The following PLXNA4 variants were observed in gnomAD, a reference collection of about 807,000 sequenced individuals.
The protein encoded by PLXNA4 is plexin-A4.
PLXNA4 carries 44 observed loss-of-function variants against 191.8 expected under a neutral mutation model. That is an observed-to-expected ratio of 0.23 (90% CI 0.18 to 0.29). The LOEUF is 0.29. Among genes scored for constraint, PLXNA4 ranks in the 10% least tolerant of loss-of-function variants. The pLI is 1.00. For synonymous variants in PLXNA4, 1,082 were observed against 1,009.5 expected (o/e 1.07, Z -1.36); for missense variants, 1,800 against 2,488.8 (o/e 0.72, Z 5.89).
At chr7:132,288,778 G>T (rs1424878799) in intron 4 of PLXNA4, among the ~76,000 whole-genome samples, 2 of 152,176 alleles carry the variant, frequency 1.3e-5, no homozygotes, top group African/African-American at 4.8e-5. Context: ...CTGAGGGCAG[G>T]ACTCATTTTC....
intron 3 of PLXNA4, among the ~76,000 whole-genome samples, chr7:132,466,283 C>T (rs369458306): frequency 5.9e-5 from 9 of 152,280 alleles, no homozygotes; most frequent in East Asian, 3.9e-4. Flanking sequence ...CCACACTCAG[C>T]TCAGCCTGAG....
At chr7:132,351,507 G>T (rs533747430) in intron 3 of PLXNA4, among the ~76,000 whole-genome samples, 1 of 152,158 alleles carries the variant, frequency 6.6e-6, no homozygotes, top group East Asian at 1.9e-4. Context: ...GAGAATGGCC[G>T]TTGGCTCCAG....
intron 14 of PLXNA4, among the ~76,000 whole-genome samples, chr7:132,188,452 A>G (rs1796951528): frequency 6.6e-6 from 1 of 152,118 alleles, no homozygotes; most frequent in Non-Finnish European, 1.5e-5. Context: ...TTCAGCACCA[A>G]AAGTCGAACC....
chr7:132,636,184 G>A (rs185607739), intron 2 of PLXNA4, among the ~76,000 whole-genome samples: 11 of 152,338 alleles, frequency 7.2e-5, no homozygotes, highest in Admixed American at 2.0e-4. Context: ...TCAGCTCTGC[G>A]CAAGAACTCC....
At position 132,151,493 on chromosome 7, in the gene PLXNA4, G is replaced by GAAGGAGGAGGAGGAGA. The variant is rs1562885309; in HGVS notation, c.4661-2848_4661-2847insTCTCCTCCTCCTCCTT. On this transcript the variant is annotated intron_variant, in intron 25 of 31. Coordinates refer to ENST00000321063, the MANE Select transcript of PLXNA4 (RefSeq NM_020911.2). ...GAGAAAGGAGGAGGAGGAGGAAGAA[G>GAAGGAGGAGGAGGAGA]AAGGAGGAGGAGGAGGAGAAAGGAG... Among the ~76,000 whole-genome samples the GAAGGAGGAGGAGGAGA allele has an allele frequency of 4.6e-3, 102 of 22,390 alleles. 16 individuals carry two copies. Among genetic ancestry groups the GAAGGAGGAGGAGGAGA allele is most frequent in the East Asian group, 0.042 (20 of 472 alleles). The allele number at this position is 22,390 out of a possible 152,430, so 14.7% of individuals were successfully genotyped here. A position where few individuals can be genotyped will look rare whatever the true frequency, so the allele number is the denominator to read the frequency against.
intron 1 of PLXNA4, among the ~76,000 whole-genome samples, chr7:132,564,702 A>G (rs1157822289): frequency 6.6e-6 from 1 of 152,234 alleles, no homozygotes; most frequent in Non-Finnish European, 1.5e-5. Flanking sequence ...TAAATATTTC[A>G]TAACATCATA....
intron 4 of PLXNA4, among the ~76,000 whole-genome samples, chr7:132,247,540 G>C (rs978103564): frequency 6.6e-6 from 1 of 152,204 alleles, no homozygotes; most frequent in East Asian, 1.9e-4. Context: ...CCGAGCAGAG[G>C]AAGTAGAGTT....
chr7:132,557,454 AG>A lies in PLXNA4; in HGVS notation c.-87+18967del, dbSNP rs199930579. Among the ~76,000 whole-genome samples, 1,345 of 152,080 alleles carry A rather than the reference AG, an allele frequency of 8.8e-3. 21 individuals are homozygous for A. The highest frequency in any genetic ancestry group is 0.031 in the African/African-American group (1,284 of 41,468). ...CACAGAAGATGGAGGAAATGGCGGC[AG>A]GGGGGGACGTAAAGATAGGCAATCA... On this transcript the variant is annotated intron_variant, in intron 1 of 31. Coordinates refer to ENST00000321063, the MANE Select transcript of PLXNA4 (RefSeq NM_020911.2).
intron 2 of PLXNA4, among the ~76,000 whole-genome samples, chr7:132,624,469 A>G (rs1270511603): frequency 6.6e-6 from 1 of 152,228 alleles, no homozygotes; most frequent in Non-Finnish European, 1.5e-5. Flanking sequence ...GGAAATGTTT[A>G]TGCCAGAGGT....
At chr7:132,646,093 G>A (rs1803861205) in intron 1 of PLXNA4, 1 of 152,592 alleles carries the variant, frequency 6.6e-6, no homozygotes, top group Non-Finnish European at 1.5e-5. Context: ...TAATGATAGT[G>A]GCAATCCATT....
Position 132,126,051 on chromosome 7 carries a change from T to TAA in PLXNA4, c.*4426_*4427dup, listed in dbSNP as rs1554445493. On this transcript the variant is annotated 3_prime_UTR_variant, in exon 32 of 32. Coordinates refer to ENST00000321063, the MANE Select transcript of PLXNA4 (RefSeq NM_020911.2). ...TAACAATACTGGCCCTTTGCTCGGT[T>TAA]AAGTATTTGACTTCACATTACTGTG... 1 of 152,422 alleles carries TAA rather than the reference T, an allele frequency of 6.6e-6. No homozygotes were observed. The highest frequency in any genetic ancestry group is 1.9e-4 in the East Asian group (1 of 5,168). The allele number at this position is 152,422 out of a possible 1,614,324, so 9.4% of individuals were successfully genotyped here.
chr7:132,234,136 C>T (rs1798615645), intron 5 of PLXNA4, among the ~76,000 whole-genome samples: 1 of 152,086 alleles, frequency 6.6e-6, no homozygotes, highest in Non-Finnish European at 1.5e-5. Flanking sequence ...GAGGAGACAG[C>T]AAAGGCATCG....
chr7:132,645,140 A>C (rs1335096019), intron 2 of PLXNA4, among the ~76,000 whole-genome samples: 3 of 152,186 alleles, frequency 2.0e-5, no homozygotes, highest in Non-Finnish European at 4.4e-5. Flanking sequence ...CAATGTAACC[A>C]GATGTCAAGT....
At chr7:132,526,054 A>C (rs1000453241) in intron 1 of PLXNA4, among the ~76,000 whole-genome samples, 1 of 152,206 alleles carries the variant, frequency 6.6e-6, no homozygotes, top group Non-Finnish European at 1.5e-5. Flanking sequence ...GCACTTTCAC[A>C]TCTATTTTCT....
rs115287145 is a variant in PLXNA4 at position 132,147,773 on chromosome 7, G to C, written c.4864+127C>G. 3.6e-4 allele frequency: 464 copies of C among 1,286,766 alleles called. 1 individual carries two copies. The African/African-American group carries it at 6.0e-3, about 17-fold the overall frequency. 79.7% of individuals were successfully genotyped at this position (1,286,766 alleles called of 1,614,324 possible). ...CTTCCCCCACCTGGCTCTCTTCCCCGATGGTCAGCCTGTCTGATGCCCCAT... is the reference window on the plus strand; with the variant it reads ...CTTCCCCCACCTGGCTCTCTTCCCCCATGGTCAGCCTGTCTGATGCCCCAT... On this transcript the variant is annotated intron_variant, in intron 27 of 31. Coordinates refer to ENST00000321063, the MANE Select transcript of PLXNA4 (RefSeq NM_020911.2).
chr7:132,201,278 A>G (rs1291575087), intron 12 of PLXNA4, among the ~76,000 whole-genome samples: 3 of 152,070 alleles, frequency 2.0e-5, no homozygotes. Flanking sequence ...AGGACGATCC[A>G]TTTCTGTCGT....
At chr7:132,509,868 T>G (rs952883732) in intron 1 of PLXNA4, among the ~76,000 whole-genome samples, 1 of 152,232 alleles carries the variant, frequency 6.6e-6, no homozygotes, top group Non-Finnish European at 1.5e-5. Flanking sequence ...CCAGGTCCTC[T>G]GGGTTCACTG....
rs527326809 is a variant in PLXNA4 at position 132,211,165 on chromosome 7, C to T, written c.2098-22G>A. On this transcript the variant is annotated intron_variant, in intron 9 of 31. Transcript: ENST00000321063. ...AGTCCTGGGGACAGAGGGCATGGCT[C>T]AGGCTGGGCAGCCAGGAAACCAAAT... is the stretch of plus-strand genomic sequence containing the variant. 5 of 1,547,982 alleles carry T rather than the reference C, an allele frequency of 3.2e-6. No homozygotes were observed. In the South Asian group the frequency reaches 5.9e-5, roughly 18 times the overall value.
intron 3 of PLXNA4, among the ~76,000 whole-genome samples, chr7:132,442,952 G>C (rs1795750547): frequency 6.6e-6 from 1 of 152,164 alleles, no homozygotes; most frequent in African/African-American, 2.4e-5. Context: ...GGGTCCTATT[G>C]GTTGCTGACA....
Sources: allele counts gnomAD v4.1 joint callset (sites outside exome capture counted in the v4.1 genomes callset), GRCh38; gene constraint gnomAD v4.1.1; transcripts MANE v1.5; gene names NCBI Gene and HGNC (gene_info 2026-07-23, HGNC 2026-07-21).